The following PRKCQ variants were observed in gnomAD, a reference collection of about 807,000 sequenced individuals.
PRKCQ encodes the protein protein kinase C theta.
Under a neutral mutation model 91.2 loss-of-function variants are expected in PRKCQ, and 41 were observed. The observed-to-expected ratio is 0.45, with a 90% CI of 0.35 to 0.58. PRKCQ has a LOEUF of 0.58. Among genes scored for constraint, PRKCQ ranks in the 20% least tolerant of loss-of-function variants. The probability of loss-of-function intolerance (pLI) is 0.00; values close to 1 mark genes in which losing one functional copy is unlikely to be tolerated. For missense variants in PRKCQ, 673 were observed against 896.5 expected, an observed-to-expected ratio of 0.75 and a Z score of 3.18; for synonymous variants, 307 against 316.9, an observed-to-expected ratio of 0.97 and a Z score of 0.33.
At chr10:6,474,286 C>T (rs560911104) in intron 12 of PRKCQ, among the ~76,000 whole-genome samples, 12 of 152,298 alleles carry the variant, frequency 7.9e-5, no homozygotes, top group Admixed American at 2.6e-4. Flanking sequence ...TGCAAAACCA[C>T]GGCGGCCTGC....
chr10:6,558,090 T>TA (rs1840493281), intron 1 of PRKCQ, among the ~76,000 whole-genome samples: 1 of 152,292 alleles, frequency 6.6e-6, no homozygotes, highest in East Asian at 1.9e-4. Context: ...AGCTGTCTTT[T>TA]AAAAAAATCT....
chr10:6,430,916 T>A lies in PRKCQ; in HGVS notation c.1859A>T (p.Lys620Met). 6.2e-7 allele frequency: 1 copy of A among 1,614,078 alleles called. No homozygotes were observed. The highest frequency in any genetic ancestry group is 8.5e-7 in the Non-Finnish European group (1 of 1,179,956). The change falls in exon 17 of 18, where the codon AAG (lysine) becomes ATG (methionine). Residue 620 changes from lysine to methionine, a missense_variant. Physicochemically the swap from Lys to Met is moderately conservative, Grantham distance 95. Transcript: ENST00000263125. This position sits in a 1 kb window ranked among gnomAD's most constrained non-coding sequence, Gnocchi z 4.7. ...LVKLFVREPE[K>M]RLGVRGDIRQ... Reference sequence around the variant, plus strand: ...GATGTCTCCCCTCACGCCCAGCCTCTTCTCAGGTTCTCGCACGAAGAGCTG... The same window carrying A: ...GATGTCTCCCCTCACGCCCAGCCTCATCTCAGGTTCTCGCACGAAGAGCTG...
chr10:6,507,601 A>G, intron 3 of PRKCQ, 105 bp from the exon 4 acceptor site: 4 of 971,950 alleles, frequency 4.1e-6, no homozygotes, highest in Non-Finnish European at 6.6e-6. Flanking sequence ...ACCACAGAAT[A>G]CAATCATTGT....
Position 6,430,884 on chromosome 10 carries a change from G to T in PRKCQ, c.1891C>A (p.His631Asn). The change falls in exon 17 of 18, where the codon CAC (histidine) becomes AAC (asparagine). Residue 631 changes from histidine to asparagine, a missense_variant. Transcript: ENST00000263125. The surrounding 1 kb of genome is among the most constrained non-coding windows in gnomAD (Gnocchi z 4.7). ...RLGVRGDIRQ[H>N]PLFREINWEE... Reference sequence around the variant, plus strand: ...CAGTTGATCTCCCGAAACAAAGGGTGCTGGCGGATGTCTCCCCTCACGCCC... The same window carrying T: ...CAGTTGATCTCCCGAAACAAAGGGTTCTGGCGGATGTCTCCCCTCACGCCC... 1 of 1,614,220 alleles carries T rather than the reference G, an allele frequency of 6.2e-7. No individual in the cohort carries two copies. The highest frequency in any genetic ancestry group is 8.5e-7 in the Non-Finnish European group (1 of 1,180,042).
At chr10:6,502,434 G>A (rs1356224870) in intron 4 of PRKCQ, among the ~76,000 whole-genome samples, 1 of 152,248 alleles carries the variant, frequency 6.6e-6, no homozygotes, top group Non-Finnish European at 1.5e-5. Context: ...CTCAGGGTGT[G>A]GGTGGGGGTC....
intron 4 of PRKCQ, 107 bp downstream of exon 4, chr10:6,507,327 CTT>C: frequency 8.7e-7 from 1 of 1,150,314 alleles, no homozygotes; most frequent in Non-Finnish European, 1.3e-6. Context: ...TTGTGCCTCT[CTT>C]TTCTCCTGAT....
chr10:6,465,822 G>A lies in PRKCQ; in HGVS notation c.1354-1418C>T, dbSNP rs997259049. On this transcript the variant is annotated intron_variant, in intron 12 of 17. Coordinates refer to ENST00000263125, the MANE Select transcript of PRKCQ (RefSeq NM_006257.5). This position sits in a 1 kb window ranked among gnomAD's most constrained non-coding sequence, Gnocchi z 4.4. ...CCGTCTTTTTTCAATGTTAGTTTCC[G>A]ATCTGATTTACTAATTCCATATATC... Among the ~76,000 whole-genome samples, 3 of 152,194 alleles carry A rather than the reference G, an allele frequency of 2.0e-5. No individual in the cohort carries two copies. The highest frequency in any genetic ancestry group is 2.1e-4 in the South Asian group (1 of 4,826).
At chr10:6,525,620 C>T (rs973243242) in intron 1 of PRKCQ, among the ~76,000 whole-genome samples, 5 of 151,980 alleles carry the variant, frequency 3.3e-5, no homozygotes, top group Non-Finnish European at 7.4e-5. Context: ...TCTTGATCAT[C>T]GAAGATGTCA....
At chr10:6,539,259 C>T (rs1009669788) in intron 1 of PRKCQ, among the ~76,000 whole-genome samples, 9 of 152,080 alleles carry the variant, frequency 5.9e-5, no homozygotes, top group Non-Finnish European at 1.0e-4. Flanking sequence ...TCTAAATTCA[C>T]CTATGTTGAC....
chr10:6,397,917 C>T, the PRKCQ span, among the ~76,000 whole-genome samples: 2 of 151,990 alleles, frequency 1.3e-5, no homozygotes, highest in African/African-American at 4.8e-5. Flanking sequence ...AAGCACGAGA[C>T]TCCGTCTAAA....
intron 16 of PRKCQ, among the ~76,000 whole-genome samples, chr10:6,436,798 A>T (rs1466082132): frequency 1.6e-5 from 2 of 126,564 alleles, no homozygotes; most frequent in Non-Finnish European, 3.7e-5. Context: ...TTCTCCTCCA[A>T]CTGGAAGGAA....
intron 7 of PRKCQ, among the ~76,000 whole-genome samples, chr10:6,495,660 G>A (rs1588763792): frequency 6.6e-6 from 1 of 152,310 alleles, no homozygotes; most frequent in African/African-American, 2.4e-5. Flanking sequence ...GTGTTATGCT[G>A]TCATTGGAAG....
chr10:6,471,750 AAAAC>A (rs377263237), intron 12 of PRKCQ, among the ~76,000 whole-genome samples: 11 of 152,038 alleles, frequency 7.2e-5, no homozygotes, highest in Non-Finnish European at 1.3e-4. Context: ...ACTCCTTCTC[AAAAC>A]AAACAAACAA....
chr10:6,462,676 T>G (rs2132328388), intron 13 of PRKCQ, among the ~76,000 whole-genome samples: 1 of 152,246 alleles, frequency 6.6e-6, no homozygotes, highest in South Asian at 2.1e-4. Context: ...TTTGTTGTTT[T>G]TGCTATTGCT....
chr10:6,561,369 C>CGAAAAAA (rs1564394645), intron 1 of PRKCQ, among the ~76,000 whole-genome samples: 1 of 82,638 alleles, frequency 1.2e-5, no homozygotes. Context: ...GACCCTGTCT[C>CGAAAAAA]AAAAAAAAAA....
chr10:6,535,732 C>G (rs1839557691), intron 1 of PRKCQ, among the ~76,000 whole-genome samples: 1 of 152,094 alleles, frequency 6.6e-6, no homozygotes, highest in Non-Finnish European at 1.5e-5. Context: ...TTGAAGTCTC[C>G]CCTCGCCGCG....
At chr10:6,407,086 G>A in the PRKCQ span, among the ~76,000 whole-genome samples, 24 of 152,278 alleles carry the variant, frequency 1.6e-4, no homozygotes, top group East Asian at 4.6e-3. This position sits in a 1 kb window ranked among gnomAD's most constrained non-coding sequence, Gnocchi z 4.0. Context: ...CCCAAAAAGA[G>A]CTATGGGTTC....
At chr10:6,443,679 T>C (rs942647990) in intron 15 of PRKCQ, among the ~76,000 whole-genome samples, 1 of 151,946 alleles carries the variant, frequency 6.6e-6, no homozygotes, top group Middle Eastern at 3.2e-3. Flanking sequence ...AGGGAAGGCG[T>C]TGAAGAAAAT....
Position 6,549,624 on chromosome 10 carries a change from C to CTTT in PRKCQ, c.-10+30584_-10+30586dup, listed in dbSNP as rs753280727. 5.0e-3 allele frequency among the ~76,000 whole-genome samples: 618 copies of CTTT among 124,394 alleles called. 12 individuals are homozygous for CTTT. Among genetic ancestry groups the CTTT allele is most frequent in the African/African-American group, 0.011 (356 of 32,522 alleles). The allele number at this position is 124,394 out of a possible 152,430, so 81.6% of individuals were successfully genotyped here. On this transcript the variant is annotated intron_variant, in intron 1 of 17. Coordinates refer to ENST00000263125, the MANE Select transcript of PRKCQ (RefSeq NM_006257.5). Reference sequence around the variant, plus strand: ...AAAAAGCACATAACATAAAATTCATCTTTTTTTTTTTTTTTTTTTGAGACA... The same window carrying CTTT: ...AAAAAGCACATAACATAAAATTCATCTTTTTTTTTTTTTTTTTTTTTTGAGACA...
Sources: allele counts gnomAD v4.1 joint callset (sites outside exome capture counted in the v4.1 genomes callset), GRCh38; gene constraint gnomAD v4.1.1; non-coding constraint Gnocchi (gnomAD v3.1); transcripts MANE v1.5; gene names NCBI Gene and HGNC (gene_info 2026-07-23, HGNC 2026-07-21).